AKAP1: variants seen among roughly 807,000 people sequenced by gnomAD.
AKAP1 encodes the protein A-kinase anchoring protein 1.
A neutral mutation model predicts 79.8 loss-of-function variants in AKAP1; 32 were observed. The observed-to-expected ratio is 0.40, with a 90% confidence interval of 0.30 to 0.54. AKAP1 has a LOEUF of 0.54. Among genes scored for constraint, AKAP1 ranks in the 20% least tolerant of loss-of-function variants. AKAP1 has a pLI of 0.47. For missense variants in AKAP1, 961 were observed against 1,138.9 expected, an observed-to-expected ratio of 0.84 and a Z score of 2.25; for synonymous variants, 416 against 466.7, an observed-to-expected ratio of 0.89 and a Z score of 1.40.
At position 57,120,329 on chromosome 17, in the gene AKAP1, C is replaced by T; in HGVS notation, c.*5C>T. The T allele has an allele frequency of 6.2e-7, 1 of 1,611,042 alleles. No homozygotes were observed. The highest frequency in any genetic ancestry group is 1.3e-5 in the African/African-American group (1 of 74,728). ...AGCTACTACACAAGCCTTTGACCCC[C>T]ATGCTGCTTCCTGAGAGTCTTTTTT... is the stretch of plus-strand genomic sequence containing the variant. On this transcript the variant is annotated 3_prime_UTR_variant, in exon 11 of 11. Coordinates refer to ENST00000337714, the MANE Select transcript of AKAP1 (RefSeq NM_003488.4).
At chr17:57,110,848 A>C (rs867771500) in intron 3 of AKAP1, among the ~76,000 whole-genome samples, 1 of 152,058 alleles carries the variant, frequency 6.6e-6, no homozygotes. Context: ...AGTGGTTTCG[A>C]GCTTCTTGCT....
chr17:57,106,855 G>A lies in AKAP1; in HGVS notation c.1391G>A (p.Cys464Tyr). The A allele has an allele frequency of 6.2e-7, 1 of 1,614,162 alleles. No homozygotes were observed. The highest frequency in any genetic ancestry group is 8.5e-7 in the Non-Finnish European group (1 of 1,180,000). The change falls in exon 2 of 11, where the codon TGC becomes TAC. Residue 464 changes from cysteine (C) to tyrosine (Y), a missense_variant. By Grantham distance (194) the Cys-to-Tyr change is radical (BLOSUM62 -2). Transcript: ENST00000337714. Reference protein sequence around the residue: ...ISAHHISLASCLALTTPSEEL... With the variant: ...ISAHHISLASYLALTTPSEEL... ...GCACACCACATCTCCCTGGCCTCCT[G>A]CCTGGCACTGACCACCCCCAGTGAA... is the stretch of plus-strand genomic sequence containing the variant.
chr17:57,112,535 A>C lies in AKAP1; in HGVS notation c.2020A>C (p.Lys674Gln). The C allele has an allele frequency of 6.2e-7, 1 of 1,614,158 alleles. No homozygotes were observed. The highest frequency in any genetic ancestry group is 8.5e-7 in the Non-Finnish European group (1 of 1,180,012). The change falls in exon 5 of 11, where the codon AAG becomes CAG. Residue 674 changes from lysine (K) to glutamine (Q), a missense_variant. Transcript: ENST00000337714. Reference sequence around the variant, plus strand: ...CAAAGCGCTGAACTTGATTGGGAAGAAGTTCAAAGAGCTGAACCTCACCAA... The same window carrying C: ...CAAAGCGCTGAACTTGATTGGGAAGCAGTTCAAAGAGCTGAACCTCACCAA... ...VDKALNLIGK[K>Q]FKELNLTNIY...
chr17:57,091,063 G>A (rs921766751), intron 1 of AKAP1, among the ~76,000 whole-genome samples: 1 of 152,160 alleles, frequency 6.6e-6, no homozygotes, highest in Non-Finnish European at 1.5e-5. Context: ...AGGTTGGGTC[G>A]ATGACAGATC....
At chr17:57,095,493 C>G (rs1355443525) in intron 1 of AKAP1, 2 of 147,966 alleles carry the variant, frequency 1.4e-5, no homozygotes, top group Non-Finnish European at 3.0e-5. Flanking sequence ...TTTCTTCTGC[C>G]CTCCACTACT....
chr17:57,106,032 C>T lies in AKAP1; in HGVS notation c.568C>T (p.Arg190Cys), dbSNP rs144750724. The T allele has an allele frequency of 9.3e-6, 15 of 1,613,074 alleles. No individual in the cohort carries two copies. The highest frequency in any genetic ancestry group is 5.3e-5 in the African/African-American group (4 of 74,944). Residue 190 changes from arginine to cysteine, a missense_variant, in exon 2 of 11, where the codon CGT becomes TGT. Around this residue, in one of 3 missense-constraint regions of AKAP1, gnomAD observed 224 missense variants for 210.2 expected, o/e 1.07. Coordinates refer to ENST00000337714, the MANE Select transcript of AKAP1 (RefSeq NM_003488.4). ...CTACCCCGTAGTCCCCGCAGAGAAG[C>T]GTAGCTCTGGGGAGAGGGCAAGAGA... is the stretch of plus-strand genomic sequence containing the variant. ...PGYPVVPAEKRSSGERARETG... is the reference protein window; with the variant it reads ...PGYPVVPAEKCSSGERARETG...
rs569027051 is a variant in AKAP1, at chr17:57,090,028, C to T, written c.-25+4630C>T. ...ATCTCAGTGCGGCCCTTCTCTTAAA[C>T]GAGGTTGTGTTTTCATTCTGCTGTT... On this transcript the variant is annotated intron_variant, in intron 1 of 10. Coordinates refer to ENST00000337714, the MANE Select transcript of AKAP1 (RefSeq NM_003488.4). Among the ~76,000 whole-genome samples the T allele has an allele frequency of 1.1e-4, 17 of 152,302 alleles. 1 individual carries two copies. The highest frequency in any genetic ancestry group is 3.4e-3 in the Middle Eastern group (1 of 294).
At chr17:57,099,612 C>T (rs1332574414) in intron 1 of AKAP1, among the ~76,000 whole-genome samples, 1 of 152,192 alleles carries the variant, frequency 6.6e-6, no homozygotes, top group Non-Finnish European at 1.5e-5. Flanking sequence ...TCTTCAGTAG[C>T]TCCAGTGACT....
chr17:57,110,053 G>T lies in AKAP1; in HGVS notation c.1743G>T (p.Val581=). The T allele has an allele frequency of 6.2e-7, 1 of 1,614,096 alleles. No individual in the cohort carries two copies. Among genetic ancestry groups the T allele is most frequent in the Non-Finnish European group, 8.5e-7 (1 of 1,179,994 alleles). ...CTGACAGGAACAGCATGGATTCCGT[G>T]GATAGCTGTTGCAGTCTCAAGAAGA... is the stretch of plus-strand genomic sequence containing the variant. ...GGSDRNSMDS[V]DSCCSLKKTE... The change falls in exon 3 of 11, where the codon GTG becomes GTT. Residue 581 remains valine, a synonymous_variant. Coordinates refer to ENST00000337714, the MANE Select transcript of AKAP1 (RefSeq NM_003488.4).
chr17:57,099,982 C>T (rs1914385421), intron 1 of AKAP1, among the ~76,000 whole-genome samples: 2 of 152,080 alleles, frequency 1.3e-5, no homozygotes, highest in Admixed American at 6.5e-5. Context: ...GTGGGACCAG[C>T]AACTAACTGC....
Position 57,106,140 on chromosome 17 carries a change from T to C in AKAP1, c.676T>C (p.Leu226=). The change falls in exon 2 of 11, where the codon TTG becomes CTG. Residue 226 remains leucine, a synonymous_variant. Coordinates refer to ENST00000337714, the MANE Select transcript of AKAP1 (RefSeq NM_003488.4). ...AGCTCTGTTGTCTCGGGAGCATGTC[T>C]TGGAATTGGAGAACAGCAAGGGCCC... The part of the protein sequence containing the change: ...EEALLSREHV[L]ELENSKGPSL... 1 of 1,609,062 alleles carries C rather than the reference T, an allele frequency of 6.2e-7. No individual in the cohort carries two copies. Among genetic ancestry groups the C allele is most frequent in the Non-Finnish European group, 8.5e-7 (1 of 1,176,702 alleles).
At chr17:57,098,631 C>G (rs1457937013) in intron 1 of AKAP1, 3 of 152,190 alleles carry the variant, frequency 2.0e-5, no homozygotes, top group African/African-American at 7.2e-5. Context: ...AAGCCTGATG[C>G]ATTTTATACC....
rs116736041 is a variant in AKAP1 at position 57,091,616 on chromosome 17, G to T, written c.-25+6218G>T. Among the ~76,000 whole-genome samples, 876 of 152,240 alleles carry T rather than the reference G, an allele frequency of 5.8e-3. 5 individuals are homozygous for T. The highest frequency in any genetic ancestry group is 0.02 in the African/African-American group (815 of 41,516). ...TAGGTGTCAGACTGCTGCCTGGGGA[G>T]TGAGGACCCCTTGTTGCCCCAGCAG... On this transcript the variant is annotated intron_variant, in intron 1 of 10. Coordinates refer to ENST00000337714, the MANE Select transcript of AKAP1 (RefSeq NM_003488.4).
chr17:57,118,356 G>T (rs1167783306), intron 8 of AKAP1, 25 bp from the exon 9 acceptor site: 1 of 1,612,888 alleles, frequency 6.2e-7, no homozygotes, highest in South Asian at 1.1e-5. Flanking sequence ...GAGCCTAAAT[G>T]CCGCTTTTCC....
chr17:57,118,373 T>G lies in AKAP1; in HGVS notation c.2501-8T>G. 1.2e-6 allele frequency: 2 copies of G among 1,613,768 alleles called. No homozygotes were observed. The highest frequency in any genetic ancestry group is 1.7e-6 in the Non-Finnish European group (2 of 1,179,794). On this transcript the variant is annotated splice_region_variant and splice_polypyrimidine_tract_variant and intron_variant, in intron 8 of 10. Transcript: ENST00000337714. ...GCCTAAATGCCGCTTTTCCTTTTCCTCCTGAAGACGATGACCAGTTTTCAC... is the reference window on the plus strand; with the variant it reads ...GCCTAAATGCCGCTTTTCCTTTTCCGCCTGAAGACGATGACCAGTTTTCAC...
chr17:57,087,081 T>G (rs1366842420), intron 1 of AKAP1, among the ~76,000 whole-genome samples: 4 of 152,228 alleles, frequency 2.6e-5, no homozygotes. Context: ...AATTCTTGGG[T>G]GTATTCTCTT....
Position 57,110,001 on chromosome 17 carries a change from T to C in AKAP1, c.1715-24T>C, listed in dbSNP as rs28434643. ...TCTGAGTGGGGTCTGTGTGTGTGCGTGCCTGCTGCTTCTTCCCCTGCAGGT... is the reference window on the plus strand; with the variant it reads ...TCTGAGTGGGGTCTGTGTGTGTGCGCGCCTGCTGCTTCTTCCCCTGCAGGT... On this transcript the variant is annotated intron_variant, in intron 2 of 10. Coordinates refer to ENST00000337714, the MANE Select transcript of AKAP1 (RefSeq NM_003488.4). 6.9e-3 allele frequency: 11,137 copies of C among 1,612,900 alleles called. 591 individuals are homozygous for C. The African/African-American group carries it at 0.12, about 17-fold the overall frequency.
chr17:57,097,910 A>G (rs767134761), intron 1 of AKAP1, among the ~76,000 whole-genome samples: 11 of 152,242 alleles, frequency 7.2e-5, no homozygotes, highest in Non-Finnish European at 1.5e-4. Flanking sequence ...CATCAGTTAC[A>G]TGCGGCTCTT....
intron 1 of AKAP1, among the ~76,000 whole-genome samples, chr17:57,091,751 C>T (rs1304696764): frequency 5.3e-5 from 8 of 152,014 alleles, no homozygotes; most frequent in Admixed American, 1.3e-4. Flanking sequence ...TACAGTGGCT[C>T]GATCATAGCT....
Sources: gnomAD v4.1 joint callset for allele counts (sites outside exome capture counted in the v4.1 genomes callset) on GRCh38, gnomAD v4.1.1 for gene constraint, gnomAD v4.1.1 regional missense constraint, MANE v1.5 for transcripts, NCBI Gene and HGNC (gene_info 2026-07-23, HGNC 2026-07-21) for gene names.